Variants in RNF128 observed in about 807,000 individuals in gnomAD.
The protein encoded by RNF128 is ring finger protein 128, also known as E3 ubiquitin-protein ligase RNF128.
Under a neutral mutation model 26.2 loss-of-function variants are expected in RNF128, and 13 were observed. That is an observed-to-expected ratio of 0.50 (90% CI 0.32 to 0.79). The LOEUF (loss-of-function observed/expected upper bound fraction) is 0.79, where lower values mean the gene tolerates loss of function less well. RNF128 is among the 30% of genes least tolerant of loss of function. The probability of loss-of-function intolerance (pLI) is 0.03; values close to 1 mark genes in which losing one functional copy is unlikely to be tolerated. For synonymous variants in RNF128, 149 were observed against 142.5 expected, an observed-to-expected ratio of 1.05 and a Z score of -0.32; for missense variants, 315 against 349.7, an observed-to-expected ratio of 0.90 and a Z score of 0.79.
chrX:106,709,185 A>G (rs1311269715), intron 1 of RNF128, among the ~76,000 whole-genome samples: 1 of 111,725 alleles, frequency 9.0e-6, no homozygotes, highest in Non-Finnish European at 1.9e-5. Flanking sequence ...GTAGGCTTCT[A>G]TTTCCTTTAT....
chrX:106,791,399 A>G (rs762585764), intron 6 of RNF128, among the ~76,000 whole-genome samples, 165 bp downstream of exon 6: 1 of 111,515 alleles, frequency 9.0e-6, no homozygotes, highest in Non-Finnish European at 1.9e-5. Flanking sequence ...ACCTTAATAT[A>G]CATATATTCA....
At chrX:106,734,130 C>T (rs1364692902) in intron 1 of RNF128, among the ~76,000 whole-genome samples, 1 of 111,558 alleles carries the variant, frequency 9.0e-6, no homozygotes, top group African/African-American at 3.3e-5. Flanking sequence ...AGATGGTCCT[C>T]TTGTAGTTGA....
intron 3 of RNF128, 77 bp from the exon 4 acceptor site, chrX:106,787,841 T>C: frequency 1.5e-6 from 1 of 664,674 alleles, no homozygotes; most frequent in Non-Finnish European, 2.4e-6. Flanking sequence ...GTTAAGTACA[T>C]GTATGTTCTG....
chrX:106,788,404 A>ACT (rs1930715399), intron 4 of RNF128, among the ~76,000 whole-genome samples: 1 of 42,192 alleles, frequency 2.4e-5, no homozygotes, highest in Non-Finnish European at 3.8e-5. Context: ...TATTATATAT[A>ACT]ATATATAATA....
chrX:106,723,820 G>C (rs1214681803), upstream of RNF128, among the ~76,000 whole-genome samples: 1 of 110,803 alleles, frequency 9.0e-6, no homozygotes, highest in Non-Finnish European at 1.9e-5. Context: ...AGTCACACTT[G>C]TCTTGCCCTA....
chrX:106,788,375 A>ATATAT lies in RNF128; in HGVS notation c.887+381_887+385dup, dbSNP rs1930707607. Among the ~76,000 whole-genome samples, 4 of 44,471 alleles carry ATATAT rather than the reference A, an allele frequency of 9.0e-5. No individual in the cohort carries two copies. The Admixed American group carries it at 1.3e-3, about 14-fold the overall frequency. The allele number at this position is 44,471 out of a possible 115,157, so 38.6% of individuals were successfully genotyped here. Reference sequence around the variant, plus strand: ...TTATATACTATATATAATATATATTATATATTATATATAATATATATTATA... The same window carrying ATATAT: ...TTATATACTATATATAATATATATTATATATTATATTATATATAATATATATTATA... On this transcript the variant is annotated intron_variant, in intron 4 of 6. Transcript: ENST00000255499.
intron 2 of RNF128, among the ~76,000 whole-genome samples, chrX:106,784,096 T>C (rs1477359064): frequency 3.6e-5 from 4 of 111,990 alleles, no homozygotes; most frequent in African/African-American, 1.3e-4. Context: ...TATATTATAT[T>C]CACTACTTCA....
At chrX:106,717,941 C>A (rs950554721) in intron 1 of RNF128, among the ~76,000 whole-genome samples, 1 of 111,898 alleles carries the variant, frequency 8.9e-6, no homozygotes, top group African/African-American at 3.2e-5. Context: ...CAGTATAAAT[C>A]TACTCTTTAG....
At position 106,712,853 on chromosome X, in the gene RNF128, A is replaced by G. The variant is rs185558801; in HGVS notation, c.406+18445A>G. Among the ~76,000 whole-genome samples, 457 of 106,114 alleles carry G rather than the reference A, an allele frequency of 4.3e-3. 6 individuals carry two copies. The highest frequency in any genetic ancestry group is 0.015 in the African/African-American group (425 of 28,543). 92.1% of individuals were successfully genotyped at this position (106,114 alleles called of 115,157 possible). A position where few individuals can be genotyped will look rare whatever the true frequency, so the allele number is the denominator to read the frequency against. ...GCCTGACTCTTGACTACCTCCTAAT[A>G]TTCTTGAAGTTATGAGTAGATAAAG... On this transcript the variant is annotated intron_variant, in intron 1 of 6. Coordinates refer to the RNF128 transcript ENST00000324342.
At chrX:106,787,076 C>A (rs1056666384) in intron 3 of RNF128, among the ~76,000 whole-genome samples, 3 of 110,807 alleles carry the variant, frequency 2.7e-5, no homozygotes, top group Non-Finnish European at 5.7e-5. Context: ...CTTACCATAG[C>A]ACCTAGCAAT....
At chrX:106,733,540 C>A (rs1929536780) in intron 1 of RNF128, among the ~76,000 whole-genome samples, 1 of 111,032 alleles carries the variant, frequency 9.0e-6, no homozygotes, top group African/African-American at 3.3e-5. Context: ...ATTAATATTC[C>A]TTCTTACCTT....
chrX:106,726,245 C>A (rs774644216), upstream of RNF128, among the ~76,000 whole-genome samples: 3 of 110,778 alleles, frequency 2.7e-5, no homozygotes, highest in Non-Finnish European at 5.7e-5. Flanking sequence ...AGGGTAACAG[C>A]GCGCTTTTCC....
chrX:106,795,717 C>T lies in RNF128; in HGVS notation c.*4C>T. 5 of 1,188,635 alleles carry T rather than the reference C, an allele frequency of 4.2e-6. No individual in the cohort carries two copies. Among genetic ancestry groups the T allele is most frequent in the Non-Finnish European group, 5.7e-6 (5 of 884,101 alleles). ...TGTTCGAGAAATTAAATCTTAAAAT[C>T]TGTGTAAATAGAAAACTTGAACCAT... On this transcript the variant is annotated 3_prime_UTR_variant, in exon 7 of 7. Coordinates refer to ENST00000255499, the MANE Select transcript of RNF128 (RefSeq NM_194463.2).
At chrX:106,722,631 C>T (rs997918519), upstream of RNF128, among the ~76,000 whole-genome samples, 3 of 111,735 alleles carry the variant, frequency 2.7e-5, no homozygotes, top group African/African-American at 9.8e-5. Context: ...TTGTAAGCCT[C>T]GAAATTTGAT....
At chrX:106,788,098 A>G (rs1930689446) in intron 4 of RNF128, 98 bp downstream of exon 4, 1 of 434,823 alleles carries the variant, frequency 2.3e-6, no homozygotes, top group Non-Finnish European at 3.6e-6. Flanking sequence ...AAATTAATGT[A>G]AAAAATGTTT....
intron 1 of RNF128, among the ~76,000 whole-genome samples, chrX:106,718,530 C>G: frequency 9.1e-6 from 1 of 109,391 alleles, no homozygotes; most frequent in Non-Finnish European, 1.9e-5. Context: ...CTCCCCCCAC[C>G]CCCCAGCTAA....
chrX:106,795,586 G>A lies in RNF128; in HGVS notation c.1160G>A (p.Ser387Asn). Residue 387 changes from serine to asparagine, a missense_variant, in exon 7 of 7, where the codon AGT (serine) becomes AAT (asparagine). By Grantham distance (46) the Ser-to-Asn change is conservative (BLOSUM62 1). Transcript: ENST00000255499. Reference sequence around the variant, plus strand: ...TTGCTATTTCTTTTTAAAGATGAAAGTCTACAGCTGGTAAACCATGAAGCA... The same window carrying A: ...TTGCTATTTCTTTTTAAAGATGAAAATCTACAGCTGGTAAACCATGAAGCA... The part of the protein sequence containing the change: ...LEEHVQSTNE[S>N]LQLVNHEANS... 14 of 1,193,725 alleles carry A rather than the reference G, an allele frequency of 1.2e-5. No individual in the cohort carries two copies. Among genetic ancestry groups the A allele is most frequent in the Non-Finnish European group, 1.5e-5 (13 of 887,676 alleles).
At chrX:106,740,823 T>C (rs986389095) in intron 1 of RNF128, among the ~76,000 whole-genome samples, 10 of 111,903 alleles carry the variant, frequency 8.9e-5, no homozygotes, top group Non-Finnish European at 1.7e-4. Context: ...CAAAGTCTCC[T>C]GTTTGCTCCT....
intron 1 of RNF128, among the ~76,000 whole-genome samples, chrX:106,746,585 G>A (rs1041608168): frequency 1.8e-5 from 2 of 111,189 alleles, no homozygotes; most frequent in East Asian, 2.8e-4. Context: ...TATACGTTGT[G>A]AATAATAATT....
Sources: allele counts gnomAD v4.1 joint callset (sites outside exome capture counted in the v4.1 genomes callset), GRCh38; gene constraint gnomAD v4.1.1; transcripts MANE v1.5; gene names NCBI Gene and HGNC (gene_info 2026-07-23, HGNC 2026-07-21).